CNOT6: variants seen among roughly 807,000 people sequenced by gnomAD.
CNOT6 encodes the protein CCR4-NOT transcription complex subunit 6.
Under a neutral mutation model 61.2 loss-of-function variants are expected in CNOT6, and 12 were observed. That is an observed-to-expected ratio of 0.20 (90% CI 0.13 to 0.32). The LOEUF (loss-of-function observed/expected upper bound fraction) is 0.32, where lower values mean the gene tolerates loss of function less well. CNOT6 is among the 10% of genes least tolerant of loss of function. The pLI is 1.00. For missense variants in CNOT6, 405 were observed against 663.9 expected, an observed-to-expected ratio of 0.61 and a Z score of 4.28; for synonymous variants, 225 against 240.6, an observed-to-expected ratio of 0.94 and a Z score of 0.60.
intron 1 of CNOT6, among the ~76,000 whole-genome samples, chr5:180,502,286 A>T (rs1221435430): frequency 6.6e-6 from 1 of 152,124 alleles, no homozygotes; most frequent in African/African-American, 2.4e-5. Flanking sequence ...CAAAAACAAT[A>T]AAAAAAACTC....
At chr5:180,533,478 A>G (rs1370079110) in intron 2 of CNOT6, among the ~76,000 whole-genome samples, 2 of 151,642 alleles carry the variant, frequency 1.3e-5, no homozygotes, top group African/African-American at 4.8e-5. Context: ...ATGATTATAC[A>G]TAGCTTACTG....
At chr5:180,541,897 C>G (rs965887734) in intron 2 of CNOT6, among the ~76,000 whole-genome samples, 1 of 150,482 alleles carries the variant, frequency 6.6e-6, no homozygotes, top group African/African-American at 2.4e-5. Flanking sequence ...GCTACAGTGC[C>G]CCCTGGCTGT....
intron 4 of CNOT6, among the ~76,000 whole-genome samples, chr5:180,562,929 T>G (rs997516616): frequency 3.3e-5 from 5 of 152,320 alleles, no homozygotes; most frequent in Admixed American, 2.6e-4. Flanking sequence ...GAAAAGGCTG[T>G]GGTGGGTATA....
At chr5:180,520,619 C>T (rs1051961636) in intron 1 of CNOT6, among the ~76,000 whole-genome samples, 3 of 151,716 alleles carry the variant, frequency 2.0e-5, no homozygotes, top group East Asian at 2.0e-4. Flanking sequence ...TCCAGCCTGG[C>T]GACAGAGCGA....
chr5:180,553,241 T>C, intron 3 of CNOT6, 145 bp from the exon 4 acceptor site: 1 of 464,746 alleles, frequency 2.2e-6, no homozygotes, highest in Non-Finnish European at 3.8e-6. Context: ...CCACATGTTA[T>C]TTAAGAAACG....
intron 1 of CNOT6, among the ~76,000 whole-genome samples, chr5:180,501,412 G>C (rs1168971258): frequency 6.6e-6 from 1 of 152,186 alleles, no homozygotes; most frequent in Non-Finnish European, 1.5e-5. Context: ...GAGGAAAGTA[G>C]AATAGTTTGA....
chr5:180,495,917 A>C, intron 1 of CNOT6, among the ~76,000 whole-genome samples: 1 of 151,982 alleles, frequency 6.6e-6, no homozygotes, highest in East Asian at 1.9e-4. Context: ...TATTTAATTT[A>C]TTTATTGTTT....
chr5:180,559,116 AAATATCTATT>A (rs1760044290), intron 4 of CNOT6, among the ~76,000 whole-genome samples: 1 of 152,194 alleles, frequency 6.6e-6, no homozygotes, highest in Non-Finnish European at 1.5e-5. Flanking sequence ...AATGTTCTAT[AAATATCTATT>A]AGCTCCTGTA....
Position 180,575,534 on chromosome 5 carries a change from A to G in CNOT6, c.*1334A>G, listed in dbSNP as rs1581581673. The G allele has an allele frequency of 6.6e-6, 1 of 152,564 alleles. No individual in the cohort carries two copies. Among genetic ancestry groups the G allele is most frequent in the East Asian group, 1.9e-4 (1 of 5,170 alleles). The allele number at this position is 152,564 out of a possible 1,614,324, so 9.5% of individuals were successfully genotyped here. Reference sequence around the variant, plus strand: ...CCATTTATGAAGCAGTATGAATTAGATGTATTTTCAAAACAGGTCCCTAAG... The same window carrying G: ...CCATTTATGAAGCAGTATGAATTAGGTGTATTTTCAAAACAGGTCCCTAAG... On this transcript the variant is annotated 3_prime_UTR_variant, in exon 12 of 12. Transcript: ENST00000261951.
At chr5:180,540,686 A>C (rs1215067665) in intron 2 of CNOT6, among the ~76,000 whole-genome samples, 1 of 152,168 alleles carries the variant, frequency 6.6e-6, no homozygotes, top group Non-Finnish European at 1.5e-5. Context: ...CATTTTCGAC[A>C]TTTTAAACTT....
intron 1 of CNOT6, among the ~76,000 whole-genome samples, chr5:180,497,772 G>A (rs10464102): frequency 0.17 from 25,657 of 152,092 alleles, 2,271 homozygotes; most frequent in Non-Finnish European, 0.19. Context: ...GACTGGGCGC[G>A]GTGGCTCATG....
At chr5:180,549,022 A>T (rs1357744602) in intron 2 of CNOT6, among the ~76,000 whole-genome samples, 3 of 152,144 alleles carry the variant, frequency 2.0e-5, no homozygotes, top group Non-Finnish European at 4.4e-5. Context: ...TCTTATGCCT[A>T]CTACTATTTG....
chr5:180,554,541 T>C (rs1422268573), intron 4 of CNOT6, among the ~76,000 whole-genome samples: 7 of 151,818 alleles, frequency 4.6e-5, no homozygotes, highest in Non-Finnish European at 8.8e-5. Context: ...AATAGAAATA[T>C]ATGTTTTAAA....
intron 1 of CNOT6, among the ~76,000 whole-genome samples, chr5:180,514,242 T>G (rs954431011): frequency 6.6e-6 from 1 of 151,086 alleles, no homozygotes; most frequent in Admixed American, 6.6e-5. Flanking sequence ...GCCAACATGG[T>G]GAAACCCCGT....
chr5:180,504,955 A>ATT (rs769852255), intron 1 of CNOT6, among the ~76,000 whole-genome samples: 1,901 of 101,382 alleles, frequency 0.019, 85 homozygotes, highest in Non-Finnish European at 0.026. Flanking sequence ...GTACTAGTTA[A>ATT]TTTTTTTTTT....
At chr5:180,518,966 G>T (rs915477215) in intron 1 of CNOT6, among the ~76,000 whole-genome samples, 1 of 152,184 alleles carries the variant, frequency 6.6e-6, no homozygotes, top group Non-Finnish European at 1.5e-5. Context: ...GCCTACCTTG[G>T]CCTACAAAGT....
intron 1 of CNOT6, among the ~76,000 whole-genome samples, chr5:180,523,662 C>T (rs1477464347): frequency 2.6e-5 from 4 of 152,034 alleles, no homozygotes; most frequent in Non-Finnish European, 5.9e-5. Context: ...CATTTCTTTT[C>T]ACTTTACTTC....
At position 180,550,036 on chromosome 5, in the gene CNOT6, T is replaced by C; in HGVS notation, c.218T>C (p.Leu73Pro). 1 of 1,614,190 alleles carries C rather than the reference T, an allele frequency of 6.2e-7. No individual in the cohort carries two copies. The highest frequency in any genetic ancestry group is 8.5e-7 in the Non-Finnish European group (1 of 1,180,006). The change falls in exon 3 of 12, where the codon CTT (leucine) becomes CCT (proline). Residue 73 changes from leucine (L) to proline (P), a missense_variant. Leu to Pro is a moderately conservative substitution (Grantham distance 98). Around this residue, in one of 5 missense-constraint regions of CNOT6, gnomAD observed 212 missense variants for 307.1 expected, o/e 0.69. Coordinates refer to ENST00000261951, the MANE Select transcript of CNOT6 (RefSeq NM_001370472.1). The stretch of plus-strand genomic sequence containing the variant: ...CGAATTCCTTCAGACATTGCCAAGC[T>C]TCACAATCTGGTGTATTTGGACCTG... ...LSRIPSDIAK[L>P]HNLVYLDLSS... is the part of the protein sequence containing the mutation.
Position 180,541,895 on chromosome 5 carries a change from G to A in CNOT6, c.113-8036G>A, listed in dbSNP as rs116506261. On this transcript the variant is annotated intron_variant, in intron 2 of 11. Coordinates refer to ENST00000261951, the MANE Select transcript of CNOT6 (RefSeq NM_001370472.1). The stretch of plus-strand genomic sequence containing the variant: ...CTCGCTCTGTTGCCCAGGCTACAGT[G>A]CCCCCTGGCTGTTTACAGGCACTAT... Among the ~76,000 whole-genome samples, 770 of 151,826 alleles carry A rather than the reference G, an allele frequency of 5.1e-3. 13 individuals carry two copies. Among genetic ancestry groups the A allele is most frequent in the African/African-American group, 0.018 (733 of 41,382 alleles).
Sources: gnomAD v4.1 joint callset for allele counts (sites outside exome capture counted in the v4.1 genomes callset) on GRCh38, gnomAD v4.1.1 for gene constraint, gnomAD v4.1.1 regional missense constraint, MANE v1.5 for transcripts, NCBI Gene and HGNC (gene_info 2026-07-23, HGNC 2026-07-21) for gene names.